Variants in USP53 observed in about 807,000 individuals in gnomAD.
USP53 encodes ubiquitin specific peptidase 53.
In USP53, 71 loss-of-function variants were observed where a neutral mutation model predicts 94.9. That is an observed-to-expected ratio of 0.75 (90% CI 0.62 to 0.91). The LOEUF is 0.91. Ranked by LOEUF, USP53 falls within the 40% of genes least tolerant of loss-of-function variation. USP53 has a pLI of 0.00. For synonymous variants in USP53, 375 were observed against 422.7 expected (o/e 0.89, Z 1.39); for missense variants, 1,173 against 1,281.0 (o/e 0.92, Z 1.29).
In USP53 at chr4:119,276,223, T is replaced by C. The variant is rs1305623214; in HGVS notation, c.2251+2515T>C. Reference sequence around the variant, plus strand: ...CAGTTTTTGCCCATTCAGTATGATATTGGCTGTGGGTTTGTCATAGATAGC... The same window carrying C: ...CAGTTTTTGCCCATTCAGTATGATACTGGCTGTGGGTTTGTCATAGATAGC... On this transcript the variant is annotated intron_variant, in intron 17 of 18. Transcript: ENST00000692078. Among the ~76,000 whole-genome samples the C allele has an allele frequency of 6.8e-3, 738 of 108,972 alleles. 1 individual carries two copies. The highest frequency in any genetic ancestry group is 0.014 in the African/African-American group (445 of 31,550). 71.5% of individuals were successfully genotyped at this position (108,972 alleles called of 152,430 possible).
At chr4:119,232,675 C>A (rs1746219961) in intron 3 of USP53, among the ~76,000 whole-genome samples, 1 of 152,114 alleles carries the variant, frequency 6.6e-6, no homozygotes, top group Admixed American at 6.5e-5. Flanking sequence ...TCGTAATAAA[C>A]TGCAGTATTC....
chr4:119,264,307 A>G (rs1750858055), intron 12 of USP53, among the ~76,000 whole-genome samples: 2 of 152,222 alleles, frequency 1.3e-5, no homozygotes, highest in Admixed American at 6.5e-5. Context: ...TACTATTTAT[A>G]TATAGGGATT....
chr4:119,249,200 A>T (rs1511016), intron 7 of USP53, among the ~76,000 whole-genome samples: 99,263 of 152,006 alleles, frequency 0.65, 32,474 homozygotes, highest in East Asian at 0.69. Context: ...CACTATAGGG[A>T]CCACATATGC....
At position 119,261,727 on chromosome 4, in the gene USP53, G is replaced by A. The variant is rs1383122871; in HGVS notation, c.835G>A (p.Val279Ile). 1.9e-6 allele frequency: 3 copies of A among 1,569,962 alleles called. No individual in the cohort carries two copies. The highest frequency in any genetic ancestry group is 2.6e-6 in the Non-Finnish European group (3 of 1,149,208). Residue 279 changes from valine to isoleucine, a missense_variant, in exon 12 of 19, where the codon GTT becomes ATT. By Grantham distance (29) the Val-to-Ile change is conservative. Coordinates refer to ENST00000692078, the MANE Select transcript of USP53 (RefSeq NM_001371395.1). Reference sequence around the variant, plus strand: ...TTTTTTTAAACAGCTTTTTTATAGAGTTACTGATGAAAATGCCAAAAATAG... The same window carrying A: ...TTTTTTTAAACAGCTTTTTTATAGAATTACTGATGAAAATGCCAAAAATAG... Reference protein sequence around the residue: ...HLYLPGLFYRVTDENAKNSEL... With the variant: ...HLYLPGLFYRITDENAKNSEL...
At chr4:119,279,101 C>T (rs1417657311) in intron 17 of USP53, among the ~76,000 whole-genome samples, 4 of 148,228 alleles carry the variant, frequency 2.7e-5, no homozygotes, top group African/African-American at 4.9e-5. Context: ...TCTCTCAGCT[C>T]GTCAAAGTCA....
chr4:119,260,065 A>G (rs1750296110), intron 10 of USP53, 140 bp downstream of exon 10: 1 of 537,828 alleles, frequency 1.9e-6, no homozygotes, highest in Non-Finnish European at 3.0e-6. Flanking sequence ...TTTAGATTAT[A>G]CCATGTGTAT....
intron 5 of USP53, among the ~76,000 whole-genome samples, chr4:119,240,160 G>A (rs947286633): frequency 1.3e-5 from 2 of 151,844 alleles, no homozygotes; most frequent in Admixed American, 6.6e-5. Flanking sequence ...AGTAAATTAA[G>A]GACATTTTTC....
intron 3 of USP53, among the ~76,000 whole-genome samples, chr4:119,227,255 CTACACACA>C (rs769679488): frequency 9.8e-5 from 4 of 40,856 alleles, no homozygotes; most frequent in Non-Finnish European, 1.9e-4. Context: ...TTGTCTAACA[CTACACACA>C]CACACACACA....
At position 119,260,674 on chromosome 4, in the gene USP53, C is replaced by T. The variant is rs773777693; in HGVS notation, c.822+21C>T. On this transcript the variant is annotated intron_variant, in intron 11 of 18. Transcript: ENST00000692078. Reference sequence around the variant, plus strand: ...CTGGGGTATCTTATCTATTTTCATTCCCTTCCCTTTTATTTTCAAATTCTT... The same window carrying T: ...CTGGGGTATCTTATCTATTTTCATTTCCTTCCCTTTTATTTTCAAATTCTT... The T allele has an allele frequency of 1.0e-5, 16 of 1,606,128 alleles. No individual in the cohort carries two copies. The Admixed American group carries it at 2.1e-4, about 21-fold the overall frequency.
chr4:119,240,522 C>A (rs1747383696), intron 5 of USP53, among the ~76,000 whole-genome samples: 1 of 152,106 alleles, frequency 6.6e-6, no homozygotes, highest in South Asian at 2.1e-4. Context: ...TTTATAGATC[C>A]TGTGTCCTTC....
chr4:119,289,263 A>G (rs1411512816), intron 17 of USP53, among the ~76,000 whole-genome samples: 1 of 152,230 alleles, frequency 6.6e-6, no homozygotes, highest in East Asian at 1.9e-4. Context: ...TTTAAGTAAA[A>G]CTGGCTTAAA....
chr4:119,281,752 G>A (rs550866023), intron 17 of USP53, among the ~76,000 whole-genome samples: 5 of 152,244 alleles, frequency 3.3e-5, no homozygotes, highest in African/African-American at 9.6e-5. Context: ...CTTTGCAGGA[G>A]GTTTCCTCAT....
intron 3 of USP53, among the ~76,000 whole-genome samples, chr4:119,223,157 T>C (rs1477032958): frequency 6.6e-6 from 1 of 152,114 alleles, no homozygotes; most frequent in Non-Finnish European, 1.5e-5. Context: ...TGAGTTAAGG[T>C]GCCCAATTAA....
intron 16 of USP53, chr4:119,272,672 G>T (rs1404121217): frequency 6.6e-6 from 1 of 152,330 alleles, no homozygotes; most frequent in African/African-American, 2.4e-5. Flanking sequence ...AAAGTGCTGG[G>T]ATTACAGGCC....
At position 119,269,120 on chromosome 4, in the gene USP53, T is replaced by A. The variant is rs145735635; in HGVS notation, c.1289-571T>A. On this transcript the variant is annotated intron_variant, in intron 14 of 18. Transcript: ENST00000692078. ...ATAAAGGCTTTTTAAAAATTCTTAA[T>A]GAAGCTGTATCTCTTTTCCTTTCAC... 2.3e-3 allele frequency among the ~76,000 whole-genome samples: 348 copies of A among 152,354 alleles called. 1 individual carries two copies. The highest frequency in any genetic ancestry group is 8.0e-3 in the African/African-American group (333 of 41,590).
intron 2 of USP53, among the ~76,000 whole-genome samples, chr4:119,214,519 C>T (rs1368120033): frequency 1.3e-5 from 2 of 150,166 alleles, no homozygotes; most frequent in African/African-American, 4.9e-5. Flanking sequence ...ATAATCAATT[C>T]GTTAATATTT....
At chr4:119,268,197 G>GA in intron 13 of USP53, 71 bp from the exon 14 acceptor site, 2 of 787,604 alleles carry the variant, frequency 2.5e-6, no homozygotes, top group Non-Finnish European at 3.7e-6. Context: ...AAAAAAATCT[G>GA]AAAAAAATGA....
At position 119,245,204 on chromosome 4, in the gene USP53, C is replaced by T. The variant is rs970104553; in HGVS notation, c.145-133C>T. On this transcript the variant is annotated intron_variant, in intron 5 of 18. Transcript: ENST00000692078. ...TGTTATTTCCAGTGGTTATGTGTGTCTGATTATGTACAGGCAATTAAAAGA... is the reference window on the plus strand; with the variant it reads ...TGTTATTTCCAGTGGTTATGTGTGTTTGATTATGTACAGGCAATTAAAAGA... 4 of 691,828 alleles carry T rather than the reference C, an allele frequency of 5.8e-6. No individual in the cohort carries two copies. In the African/African-American group the frequency reaches 7.2e-5, roughly 12 times the overall value. The allele number at this position is 691,828 out of a possible 1,614,324, so 42.9% of individuals were successfully genotyped here. A position where few individuals can be genotyped will look rare whatever the true frequency, so the allele number is the denominator to read the frequency against.
Position 119,293,043 on chromosome 4 carries a change from C to T in USP53, c.3054C>T (p.Cys1018=). 1.9e-6 allele frequency: 3 copies of T among 1,614,078 alleles called. No homozygotes were observed. The highest frequency in any genetic ancestry group is 2.5e-6 in the Non-Finnish European group (3 of 1,179,956). The change falls in exon 19 of 19, where the codon TGC becomes TGT. Residue 1018 remains cysteine, a synonymous_variant. Transcript: ENST00000692078. The part of the protein sequence containing the change: ...QANSGAIDAF[C]QPELDSISTC... The stretch of plus-strand genomic sequence containing the variant: ...ACTCAGGTGCCATTGATGCATTTTG[C>T]CAACCAGAACTAGACTCTATTTCTA...
Sources: allele counts gnomAD v4.1 joint callset (sites outside exome capture counted in the v4.1 genomes callset), GRCh38; gene constraint gnomAD v4.1.1; transcripts MANE v1.5; gene names NCBI Gene and HGNC (gene_info 2026-07-23, HGNC 2026-07-21).